The following SEMA3B variants were observed in gnomAD, a reference collection of about 807,000 sequenced individuals.
The protein encoded by SEMA3B is semaphorin 3B, also known as semaphorin-3B.
SEMA3B carries 71 observed loss-of-function variants against 77.8 expected under a neutral mutation model. That is an observed-to-expected ratio of 0.91 (90% confidence interval 0.75 to 1.11). The LOEUF (loss-of-function observed/expected upper bound fraction) is 1.11. Among genes scored for constraint, SEMA3B ranks in the 50% most tolerant of loss-of-function variants. SEMA3B has a pLI of 0.00. For synonymous variants in SEMA3B, 470 were observed against 452.9 expected (o/e 1.04, Z -0.48); for missense variants, 968 against 1,056.8 (o/e 0.92, Z 1.17).
chr3:50,270,273 C>A lies in SEMA3B; in HGVS notation c.256C>A (p.Arg86=), dbSNP rs782256601. The change falls in exon 2 of 17, where the codon CGG becomes AGG. Residue 86 remains arginine, a synonymous_variant. Transcript: ENST00000616701. This position sits in a 1 kb window ranked among gnomAD's most constrained non-coding sequence, Gnocchi z 4.7. ...CCTCAACCTGGACAACATCAGCAAG[C>A]GGGCCAAGAAGGTGCCAGGGACTCC... ...ASLNLDNISK[R]AKKLAWPAPV... The A allele has an allele frequency of 1.9e-6, 3 of 1,613,242 alleles. No homozygotes were observed. Among genetic ancestry groups the A allele is most frequent in the South Asian group, 1.1e-5 (1 of 90,966 alleles).
chr3:50,273,394 C>T lies in SEMA3B; in HGVS notation c.761C>T (p.Ala254Val), dbSNP rs1701112874. 6.2e-7 allele frequency: 1 copy of T among 1,613,710 alleles called. No individual in the cohort carries two copies. Among genetic ancestry groups the T allele is most frequent in the Admixed American group, 1.7e-5 (1 of 60,008 alleles). The change falls in exon 7 of 17, where the codon GCG becomes GTG. Residue 254 changes from alanine (A) to valine (V), a missense_variant. Transcript: ENST00000616701. This position sits in a 1 kb window ranked among gnomAD's most constrained non-coding sequence, Gnocchi z 6.5. ...TTTCGTGAGACGGCGGTAGAGGCGG[C>T]GCCGGCACTGGGACGCCTGTCCGTG... ...FFFRETAVEA[A>V]PALGRLSVSR...
Position 50,273,940 on chromosome 3 carries a change from C to T in SEMA3B, c.1020C>T (p.Cys340=), listed in dbSNP as rs1553705962. ...GCATCTTCCAGGGCTCTGCGGTGTG[C>T]GTGTACAGCATGAACGACGTGCGCC... ...SSSIFQGSAV[C]VYSMNDVRRA... Residue 340 remains cysteine (C), a synonymous_variant, in exon 10 of 17, where the codon TGC becomes TGT. Coordinates refer to ENST00000616701, the MANE Select transcript of SEMA3B (RefSeq NM_001290060.2). This position sits in a 1 kb window ranked among gnomAD's most constrained non-coding sequence, Gnocchi z 6.5. 3.1e-6 allele frequency: 5 copies of T among 1,612,914 alleles called. No homozygotes were observed. The highest frequency in any genetic ancestry group is 1.1e-5 in the South Asian group (1 of 91,002).
At chr3:50,271,814 C>T (rs1203140701) in intron 6 of SEMA3B, among the ~76,000 whole-genome samples, 8 of 152,204 alleles carry the variant, frequency 5.3e-5, no homozygotes, top group African/African-American at 1.9e-4. Context: ...AAGCACAAGA[C>T]AGCTAGCCAG....
rs1419696718 is a variant in SEMA3B at position 50,277,075 on chromosome 3, G to A, written c.*369G>A. 3.7e-6 allele frequency: 1 copy of A among 269,616 alleles called. No individual in the cohort carries two copies. 16.7% of individuals were successfully genotyped at this position (269,616 alleles called of 1,614,324 possible). A position where few individuals can be genotyped will look rare whatever the true frequency, so the allele number is the denominator to read the frequency against. ...GAGCAGAAAGCTGTGAACAGGCTGGGCTGCTGGAGGTGGGGCGAGGCAGGC... is the reference window on the plus strand; with the variant it reads ...GAGCAGAAAGCTGTGAACAGGCTGGACTGCTGGAGGTGGGGCGAGGCAGGC... On this transcript the variant is annotated 3_prime_UTR_variant, in exon 17 of 17. Coordinates refer to ENST00000616701, the MANE Select transcript of SEMA3B (RefSeq NM_001290060.2).
chr3:50,273,409 G>A lies in SEMA3B; in HGVS notation c.776G>A (p.Arg259His), dbSNP rs1701113750. The change falls in exon 7 of 17, where the codon CGC becomes CAC. Residue 259 changes from arginine (R) to histidine (H), a missense_variant. Physicochemically the swap from Arg to His is conservative, Grantham distance 29. Transcript: ENST00000616701. The surrounding 1 kb of genome is among the most constrained non-coding windows in gnomAD (Gnocchi z 6.5). ...GTAGAGGCGGCGCCGGCACTGGGACGCCTGTCCGTGTCCCGCGTTGGCCAG... is the reference window on the plus strand; with the variant it reads ...GTAGAGGCGGCGCCGGCACTGGGACACCTGTCCGTGTCCCGCGTTGGCCAG... ...TAVEAAPALG[R>H]LSVSRVGQIC... The A allele has an allele frequency of 1.2e-6, 2 of 1,613,744 alleles. No homozygotes were observed. The highest frequency in any genetic ancestry group is 8.5e-7 in the Non-Finnish European group (1 of 1,179,840).
Position 50,270,344 on chromosome 3 carries a change from G to T in SEMA3B, c.267+60G>T. 1 of 1,609,904 alleles carries T rather than the reference G, an allele frequency of 6.2e-7. No individual in the cohort carries two copies. Among genetic ancestry groups the T allele is most frequent in the African/African-American group, 1.3e-5 (1 of 74,966 alleles). ...GAAGGAGCCCTGGGACCCCACTCCAGCCTGGAGAGACCCAGAGGAATGGCT... is the reference window on the plus strand; with the variant it reads ...GAAGGAGCCCTGGGACCCCACTCCATCCTGGAGAGACCCAGAGGAATGGCT... On this transcript the variant is annotated intron_variant, in intron 2 of 16. Coordinates refer to ENST00000616701, the MANE Select transcript of SEMA3B (RefSeq NM_001290060.2). The surrounding 1 kb of genome is among the most constrained non-coding windows in gnomAD (Gnocchi z 4.7).
At chr3:50,265,229 G>A (rs1700876515), upstream of SEMA3B, among the ~76,000 whole-genome samples, 2 of 152,202 alleles carry the variant, frequency 1.3e-5, no homozygotes, top group Non-Finnish European at 2.9e-5. Context: ...TGCCCCCACT[G>A]TGCCTAAGTC....
Position 50,269,346 on chromosome 3 carries a change from C to A in SEMA3B, c.106C>A (p.Gln36Lys). The A allele has an allele frequency of 6.7e-7, 1 of 1,493,270 alleles. No homozygotes were observed. The highest frequency in any genetic ancestry group is 8.9e-7 in the Non-Finnish European group (1 of 1,122,434). The allele number at this position is 1,493,270 out of a possible 1,614,324, so 92.5% of individuals were successfully genotyped here. A position where few individuals can be genotyped will look rare whatever the true frequency, so the allele number is the denominator to read the frequency against. ...CCCCCCACGCCTTCGGCTCTCCTTCCAAGGTAGGTGCACCTGGCAGGCGGG... is the reference window on the plus strand; with the variant it reads ...CCCCCCACGCCTTCGGCTCTCCTTCAAAGGTAGGTGCACCTGGCAGGCGGG... ...PSPPRLRLSF[Q>K]ELQAWHGLQT... The change falls in exon 1 of 17, where the codon CAA (glutamine) becomes AAA (lysine). Residue 36 changes from glutamine (Q) to lysine (K), a missense_variant. By Grantham distance (53) the Gln-to-Lys change is moderately conservative (BLOSUM62 1). Transcript: ENST00000616701. The surrounding 1 kb of genome is among the most constrained non-coding windows in gnomAD (Gnocchi z 4.0).
Position 50,276,051 on chromosome 3 carries a change from C to A in SEMA3B, c.1845+207C>A. Reference sequence around the variant, plus strand: ...CGCCTCCCCTGAATCAAGGAGAAGACCCGCCCTCGACCCTCCCATTAAGGT... The same window carrying A: ...CGCCTCCCCTGAATCAAGGAGAAGAACCGCCCTCGACCCTCCCATTAAGGT... On this transcript the variant is annotated intron_variant, in intron 16 of 16. Coordinates refer to ENST00000616701, the MANE Select transcript of SEMA3B (RefSeq NM_001290060.2). This position sits in a 1 kb window ranked among gnomAD's most constrained non-coding sequence, Gnocchi z 5.8. The A allele has an allele frequency of 1.2e-6, 1 of 824,434 alleles. No individual in the cohort carries two copies. Among genetic ancestry groups the A allele is most frequent in the Non-Finnish European group, 1.8e-6 (1 of 547,678 alleles). 51.1% of individuals were successfully genotyped at this position (824,434 alleles called of 1,614,324 possible). A position where few individuals can be genotyped will look rare whatever the true frequency, so the allele number is the denominator to read the frequency against.
chr3:50,275,331 G>T lies in SEMA3B; in HGVS notation c.1521G>T (p.Ala507=). Residue 507 remains alanine, a synonymous_variant, in exon 14 of 17, where the codon GCG becomes GCT. Coordinates refer to ENST00000616701, the MANE Select transcript of SEMA3B (RefSeq NM_001290060.2). The surrounding 1 kb of genome is among the most constrained non-coding windows in gnomAD (Gnocchi z 7.5). ...AGCTGTACGTAGCCTCGCGGAGCGC[G>T]GTGGCCCAGATCGCGTTGCACCGCT... is the stretch of plus-strand genomic sequence containing the variant. ...RHQLYVASRS[A]VAQIALHRCA... 3 of 1,579,866 alleles carry T rather than the reference G, an allele frequency of 1.9e-6. No homozygotes were observed. Among genetic ancestry groups the T allele is most frequent in the South Asian group, 1.1e-5 (1 of 87,218 alleles).
Position 50,274,972 on chromosome 3 carries a change from C to A in SEMA3B, c.1449+38C>A. ...CCCCAGTCGCCCGGGACCCCCCCAC[C>A]CCACTAAGCCCTGACCCCGTCGCCC... On this transcript the variant is annotated intron_variant, in intron 12 of 16. Coordinates refer to ENST00000616701, the MANE Select transcript of SEMA3B (RefSeq NM_001290060.2). The surrounding 1 kb of genome is among the most constrained non-coding windows in gnomAD (Gnocchi z 4.7). 6.3e-7 allele frequency: 1 copy of A among 1,598,054 alleles called. No individual in the cohort carries two copies. The highest frequency in any genetic ancestry group is 1.7e-5 in the Admixed American group (1 of 58,626).
chr3:50,264,111 G>A (rs1700865188), upstream of SEMA3B, among the ~76,000 whole-genome samples: 1 of 152,170 alleles, frequency 6.6e-6, no homozygotes, highest in South Asian at 2.1e-4. Flanking sequence ...TCAGGAGGTT[G>A]AGGTGGGAGG....
At chr3:50,261,491 G>A in the SEMA3B span, 5 of 152,624 alleles carry the variant, frequency 3.3e-5, no homozygotes, top group African/African-American at 1.2e-4. Context: ...CAGAGTCAGA[G>A]AGGCCTGAGA....
At chr3:50,271,570 G>T in intron 6 of SEMA3B, 90 bp downstream of exon 6, 1 of 1,522,908 alleles carries the variant, frequency 6.6e-7, no homozygotes, top group Non-Finnish European at 8.9e-7. Context: ...TGAGCAGTGG[G>T]TGTGGCCAGG....
At position 50,275,545 on chromosome 3, in the gene SEMA3B, G is replaced by A; in HGVS notation, c.1650-15G>A. On this transcript the variant is annotated splice_polypyrimidine_tract_variant and intron_variant, in intron 14 of 16. Transcript: ENST00000616701. The surrounding 1 kb of genome is among the most constrained non-coding windows in gnomAD (Gnocchi z 7.5). ...CTGAAAGAAGGGCTCACAGAAGATC[G>A]GATGTTCCCCACAGGCGGTTCCGGC... 6.2e-7 allele frequency: 1 copy of A among 1,613,724 alleles called. No individual in the cohort carries two copies.
chr3:50,264,927 G>A (rs1446991273), upstream of SEMA3B, among the ~76,000 whole-genome samples: 1 of 152,144 alleles, frequency 6.6e-6, no homozygotes, highest in African/African-American at 2.4e-5. Context: ...GGGAGGGCAG[G>A]GGTGGGGCAG....
At position 50,273,600 on chromosome 3, in the gene SEMA3B, G is replaced by A; in HGVS notation, c.876G>A (p.Val292=). Reference sequence around the variant, plus strand: ...CGACGTTCCTGAAGGCGCGGCTGGTGTGCTCGGTGCCCGGCGTCGAGGGCG... The same window carrying A: ...CGACGTTCCTGAAGGCGCGGCTGGTATGCTCGGTGCCCGGCGTCGAGGGCG... ...KWTTFLKARL[V]CSVPGVEGDT... is the part of the protein sequence containing the mutation. The change falls in exon 8 of 17, where the codon GTG becomes GTA. Residue 292 remains valine, a synonymous_variant. Transcript: ENST00000616701. The surrounding 1 kb of genome is among the most constrained non-coding windows in gnomAD (Gnocchi z 6.5). The A allele has an allele frequency of 1.2e-6, 2 of 1,612,924 alleles. No homozygotes were observed. The highest frequency in any genetic ancestry group is 1.7e-6 in the Non-Finnish European group (2 of 1,179,724).
upstream of SEMA3B, chr3:50,267,569 C>CACGG (rs1439808503): frequency 6.6e-6 from 1 of 152,324 alleles, no homozygotes; most frequent in Non-Finnish European, 1.5e-5. The surrounding 1 kb of genome is among the most constrained non-coding windows in gnomAD (Gnocchi z 5.7). Context: ...AACTTTACGG[C>CACGG]ACGGCGGGCG....
At position 50,270,859 on chromosome 3, in the gene SEMA3B, G is replaced by A. The variant is rs782327013; in HGVS notation, c.331-31G>A. 8.4e-5 allele frequency: 132 copies of A among 1,571,668 alleles called. No individual in the cohort carries two copies. Among genetic ancestry groups the A allele is most frequent in the Non-Finnish European group, 1.1e-4 (128 of 1,158,150 alleles). ...TGGGACCTCTTAAGGCTACGTCCCT[G>A]GGGGAAGCCTCACACCTCCAACCCT... On this transcript the variant is annotated intron_variant, in intron 3 of 16. Coordinates refer to ENST00000616701, the MANE Select transcript of SEMA3B (RefSeq NM_001290060.2). This position sits in a 1 kb window ranked among gnomAD's most constrained non-coding sequence, Gnocchi z 4.7.
Sources: allele counts gnomAD v4.1 joint callset (sites outside exome capture counted in the v4.1 genomes callset), GRCh38; gene constraint gnomAD v4.1.1; non-coding constraint Gnocchi (gnomAD v3.1); transcripts MANE v1.5; gene names NCBI Gene and HGNC (gene_info 2026-07-23, HGNC 2026-07-21).